The following IL16 variants were observed in gnomAD, a reference collection of about 807,000 sequenced individuals.
IL16 encodes the protein pro-interleukin-16.
Under a neutral mutation model 110.1 loss-of-function variants are expected in IL16, and 67 were observed. The observed-to-expected ratio is 0.61, with a 90% confidence interval of 0.50 to 0.75. The LOEUF (loss-of-function observed/expected upper bound fraction) is 0.75, where lower values mean the gene tolerates loss of function less well. IL16 is among the 30% of genes least tolerant of loss of function. IL16 has a pLI of 0.00. For missense variants in IL16, 1,545 were observed against 1,655.0 expected, an observed-to-expected ratio of 0.93 and a Z score of 1.15; for synonymous variants, 689 against 662.9, an observed-to-expected ratio of 1.04 and a Z score of -0.61.
At chr15:81,198,663 C>T (rs1036823460) in intron 1 of IL16, among the ~76,000 whole-genome samples, 2 of 115,704 alleles carry the variant, frequency 1.7e-5, no homozygotes, top group Admixed American at 1.7e-4. Context: ...ACCCCTCCCC[C>T]TTTCTGGTTC....
At chr15:81,264,796 G>C (rs576721930) in intron 3 of IL16, among the ~76,000 whole-genome samples, 105 of 152,186 alleles carry the variant, frequency 6.9e-4, no homozygotes, top group African/African-American at 2.5e-3. Flanking sequence ...AAGAAGAAAA[G>C]GATGTAAAAT....
chr15:81,249,433 C>T (rs1478200837), intron 2 of IL16, among the ~76,000 whole-genome samples: 1 of 151,738 alleles, frequency 6.6e-6, no homozygotes, highest in Non-Finnish European at 1.5e-5. Context: ...TCTGTAAAGA[C>T]CTTTATTTTA....
intron 10 of IL16, among the ~76,000 whole-genome samples, chr15:81,288,692 G>A (rs774923368): frequency 6.6e-6 from 1 of 152,100 alleles, no homozygotes; most frequent in Admixed American, 6.5e-5. Flanking sequence ...TACGTTCATC[G>A]AAGTGGAATC....
intron 2 of IL16, among the ~76,000 whole-genome samples, chr15:81,256,251 G>C (rs1267841479): frequency 6.6e-6 from 1 of 151,246 alleles, no homozygotes; most frequent in African/African-American, 2.4e-5. Context: ...CATGATTGTA[G>C]TCAGTCATCA....
rs1170373340 is a variant in IL16 at position 81,285,825 on chromosome 15, C to A, written c.1327C>A (p.Pro443Thr). The A allele has an allele frequency of 2.5e-6, 4 of 1,614,002 alleles. No homozygotes were observed. The Admixed American group carries it at 6.7e-5, about 27-fold the overall frequency. Reference sequence around the variant, plus strand: ...CATCATTGTTAGCCGACATCCAGACCCACAGGTAACACCCACTGGGTTATC... The same window carrying A: ...CATCATTGTTAGCCGACATCCAGACACACAGGTAACACCCACTGGGTTATC... The part of the protein sequence containing the change: ...VPIIVSRHPD[P>T]QVSEQQLKEA... The change falls in exon 10 of 19, where the codon CCA (proline) becomes ACA (threonine). Residue 443 changes from proline to threonine, a missense_variant. Physicochemically the swap from Pro to Thr is conservative, Grantham distance 38 (BLOSUM62 -1). Coordinates refer to ENST00000683961, the MANE Select transcript of IL16 (RefSeq NM_172217.5).
Position 81,265,795 on chromosome 15 carries a change from G to A in IL16, c.558G>A (p.Lys186=). 2 of 1,611,526 alleles carry A rather than the reference G, an allele frequency of 1.2e-6. No individual in the cohort carries two copies. Among genetic ancestry groups the A allele is most frequent in the Non-Finnish European group, 1.7e-6 (2 of 1,178,730 alleles). The change falls in exon 4 of 19, where the codon AAG becomes AAA. Residue 186 remains lysine (K), a synonymous_variant. Transcript: ENST00000683961. ...AACAATTGGACTGTCCAGCAGGAAAGGCTGCGGTAAGAATGGAAGGAGGGA... is the reference window on the plus strand; with the variant it reads ...AACAATTGGACTGTCCAGCAGGAAAAGCTGCGGTAAGAATGGAAGGAGGGA... The part of the protein sequence containing the change: ...LSQQLDCPAG[K]AAGTSRPTRS...
At chr15:81,217,546 T>G (rs1160899678) in intron 1 of IL16, among the ~76,000 whole-genome samples, 1 of 152,198 alleles carries the variant, frequency 6.6e-6, no homozygotes, top group African/African-American at 2.4e-5. Context: ...CAGCTTCTCT[T>G]TGCTCTTTTT....
chr15:81,303,678 A>G lies in IL16; in HGVS notation c.3420+28A>G, dbSNP rs760110362. ...GAGTGGCCAAGTGAAGGGGCATGTC[A>G]CAGCCAGAGGCAATGGTTCTGGGGG... On this transcript the variant is annotated intron_variant, in intron 16 of 18. Transcript: ENST00000683961. This position sits in a 1 kb window ranked among gnomAD's most constrained non-coding sequence, Gnocchi z 4.1. 4.2e-6 allele frequency: 6 copies of G among 1,443,402 alleles called. No homozygotes were observed. The highest frequency in any genetic ancestry group is 2.3e-5 in the East Asian group (1 of 44,064). 89.4% of individuals were successfully genotyped at this position (1,443,402 alleles called of 1,614,324 possible).
At chr15:81,220,815 AAAGG>A (rs199516007) in intron 1 of IL16, among the ~76,000 whole-genome samples, 1,537 of 150,240 alleles carry the variant, frequency 0.01, 17 homozygotes, top group Non-Finnish European at 0.011. Context: ...AAAAAAATGA[AAAGG>A]AAGGAAGGAA....
intron 1 of IL16, among the ~76,000 whole-genome samples, chr15:81,220,508 T>C (rs749729037): frequency 1.3e-5 from 2 of 152,196 alleles, no homozygotes; most frequent in Non-Finnish European, 2.9e-5. Flanking sequence ...TTTCTTATCA[T>C]TGAGTTATTC....
chr15:81,293,067 T>C (rs1475129059), intron 12 of IL16, 30 bp downstream of exon 12: 1 of 1,562,758 alleles, frequency 6.4e-7, no homozygotes. Flanking sequence ...GGTTGAGTGT[T>C]TCCAGGACCA....
intron 1 of IL16, among the ~76,000 whole-genome samples, chr15:81,203,088 C>CT (rs1895880439): frequency 6.8e-6 from 1 of 147,018 alleles, no homozygotes. Flanking sequence ...ATGATGAGCA[C>CT]TTTTTCATGT....
In IL16 at chr15:81,292,551, C is replaced by G; in HGVS notation, c.1421-5C>G. Reference sequence around the variant, plus strand: ...TGTGAAGATTCTCTTGTGCTTCCCACACAGGTGTCAAAAGGCTGGAAAGCA... The same window carrying G: ...TGTGAAGATTCTCTTGTGCTTCCCAGACAGGTGTCAAAAGGCTGGAAAGCA... On this transcript the variant is annotated splice_polypyrimidine_tract_variant and splice_region_variant and intron_variant, in intron 11 of 18. Coordinates refer to ENST00000683961, the MANE Select transcript of IL16 (RefSeq NM_172217.5). The G allele has an allele frequency of 6.2e-7, 1 of 1,608,090 alleles. No homozygotes were observed. Among genetic ancestry groups the G allele is most frequent in the Non-Finnish European group, 8.5e-7 (1 of 1,175,414 alleles).
In IL16 at chr15:81,225,813, A is replaced by C. The variant is rs968279654; in HGVS notation, c.312+102A>C. On this transcript the variant is annotated intron_variant, in intron 2 of 18. Transcript: ENST00000683961. ...TTATTCAAAAATCATGAAGCTGCAG[A>C]GTTATAATTCTGAAAGAGAGCAAGA... 9 of 1,125,662 alleles carry C rather than the reference A, an allele frequency of 8.0e-6. No individual in the cohort carries two copies. The African/African-American group carries it at 1.4e-4, about 18-fold the overall frequency. 69.7% of individuals were successfully genotyped at this position (1,125,662 alleles called of 1,614,324 possible).
chr15:81,262,187 T>A (rs1283408379), intron 3 of IL16, among the ~76,000 whole-genome samples: 1 of 152,224 alleles, frequency 6.6e-6, no homozygotes, highest in Non-Finnish European at 1.5e-5. Flanking sequence ...CTTTTTATCA[T>A]TAATTTATAA....
At chr15:81,201,707 T>G (rs1293955530) in intron 1 of IL16, among the ~76,000 whole-genome samples, 1 of 152,240 alleles carries the variant, frequency 6.6e-6, no homozygotes, top group South Asian at 2.1e-4. Flanking sequence ...ATTTTGTGTT[T>G]GGTAAAAATG....
intron 12 of IL16, 49 bp downstream of exon 12, chr15:81,293,086 T>A (rs770098092): frequency 6.5e-7 from 1 of 1,540,412 alleles, no homozygotes; most frequent in South Asian, 1.2e-5. Flanking sequence ...CAGACTCAAA[T>A]CTTGAGCATG....
chr15:81,253,166 C>T (rs879821854), intron 2 of IL16, among the ~76,000 whole-genome samples: 23 of 152,250 alleles, frequency 1.5e-4, no homozygotes, highest in Middle Eastern at 6.8e-3. Context: ...TATAGCCATC[C>T]TAGTGCATGC....
At chr15:81,195,993 C>G (rs1167029791), upstream of IL16, among the ~76,000 whole-genome samples, 2 of 152,098 alleles carry the variant, frequency 1.3e-5, no homozygotes, top group African/African-American at 4.8e-5. Context: ...AGGTCATGGG[C>G]TCTCGCACCT....
Sources: gnomAD v4.1 joint callset for allele counts (sites outside exome capture counted in the v4.1 genomes callset) on GRCh38, gnomAD v4.1.1 for gene constraint, Gnocchi (gnomAD v3.1) non-coding constraint, MANE v1.5 for transcripts, NCBI Gene and HGNC (gene_info 2026-07-23, HGNC 2026-07-21) for gene names.